Variants in NUP88 observed in about 807,000 individuals in gnomAD.
NUP88 encodes the protein nucleoporin 88.
In NUP88, 57 loss-of-function variants were observed where a neutral mutation model predicts 93.9. The observed-to-expected ratio is 0.61, with a 90% CI of 0.49 to 0.76. The LOEUF (loss-of-function observed/expected upper bound fraction) is 0.76. Among genes scored for constraint, NUP88 ranks in the 30% least tolerant of loss-of-function variants. The pLI, the probability that NUP88 is intolerant of heterozygous loss-of-function variation, is 0.00. For synonymous variants in NUP88, 346 were observed against 336.8 expected (o/e 1.03, Z -0.30); for missense variants, 911 against 901.0 (o/e 1.01, Z -0.14).
intron 6 of NUP88, 97 bp downstream of exon 6, chr17:5,404,960 T>A: frequency 9.6e-7 from 1 of 1,043,852 alleles, no homozygotes; most frequent in Non-Finnish European, 1.4e-6. Flanking sequence ...GTTCCATAAG[T>A]AAGTTAAAAT....
At chr17:5,387,514 T>G in intron 13 of NUP88, 48 bp from the exon 14 acceptor site, 1 of 1,599,934 alleles carries the variant, frequency 6.3e-7, no homozygotes, top group South Asian at 1.1e-5. Context: ...CCCTTGATGC[T>G]GAAACCACCT....
At chr17:5,386,435 G>A (rs1911982685) in intron 16 of NUP88, among the ~76,000 whole-genome samples, 166 bp from the exon 17 acceptor site, 1 of 152,160 alleles carries the variant, frequency 6.6e-6, no homozygotes, top group Non-Finnish European at 1.5e-5. Context: ...CATTTAAGGT[G>A]GCAAACGGTG....
intron 7 of NUP88, among the ~76,000 whole-genome samples, chr17:5,400,251 C>A (rs1913069774): frequency 6.6e-6 from 1 of 151,524 alleles, no homozygotes; most frequent in African/African-American, 2.4e-5. Flanking sequence ...GTAATCCCAG[C>A]ACTTTGGGAG....
chr17:5,405,796 TTC>T (rs1269399010), intron 5 of NUP88, among the ~76,000 whole-genome samples: 1 of 152,202 alleles, frequency 6.6e-6, no homozygotes, highest in Non-Finnish European at 1.5e-5. Context: ...TTTCTTGTAG[TTC>T]TCTCTTCCTA....
intron 8 of NUP88, among the ~76,000 whole-genome samples, chr17:5,398,510 A>G (rs888179490): frequency 1.3e-5 from 2 of 151,332 alleles, no homozygotes; most frequent in African/African-American, 4.9e-5. Context: ...ACTGTTCGCA[A>G]ACTCCCCTGA....
At chr17:5,406,590 A>C (rs1302055373) in intron 5 of NUP88, among the ~76,000 whole-genome samples, 1 of 95,740 alleles carries the variant, frequency 1.0e-5, no homozygotes, top group African/African-American at 3.8e-5. Flanking sequence ...TATTTAAGAA[A>C]ATAAGCCAGG....
At chr17:5,392,671 G>A (rs1176658463) in intron 9 of NUP88, among the ~76,000 whole-genome samples, 2 of 152,196 alleles carry the variant, frequency 1.3e-5, no homozygotes, top group African/African-American at 4.8e-5. Context: ...CAGAGAAGTA[G>A]CCGCTACTCT....
chr17:5,416,167 G>GTATATATATATATATA (rs377002927), intron 2 of NUP88, among the ~76,000 whole-genome samples: 193 of 47,424 alleles, frequency 4.1e-3, no homozygotes, highest in Middle Eastern at 0.014. Flanking sequence ...AAAAAAAAAA[G>GTATATATATATATATA]TATATATATA....
intron 11 of NUP88, chr17:5,388,192 G>A (rs1007848741): frequency 1.9e-5 from 4 of 213,602 alleles, no homozygotes; most frequent in Non-Finnish European, 3.8e-5. Context: ...GTAGAGACAG[G>A]GTTTCACCAT....
At chr17:5,419,011 C>T (rs546916004) in intron 1 of NUP88, among the ~76,000 whole-genome samples, 1 of 152,322 alleles carries the variant, frequency 6.6e-6, no homozygotes, top group Admixed American at 6.5e-5. Context: ...TACGATCTAA[C>T]CTATTATAAG....
rs1597322334 is a variant in NUP88 at position 5,399,731 on chromosome 17, C to G, written c.1193-81G>C. On this transcript the variant is annotated intron_variant, in intron 7 of 16. Transcript: ENST00000573584. ...TACCTCAAATTTGTTGGCTACTCCA[C>G]ATTAGCCTACAAACGCATTTGTTGA... is the stretch of plus-strand genomic sequence containing the variant. 5.2e-5 allele frequency: 34 copies of G among 653,824 alleles called. 1 individual carries two copies. In the East Asian group the frequency reaches 9.8e-4, roughly 19 times the overall value. 40.5% of individuals were successfully genotyped at this position (653,824 alleles called of 1,614,324 possible).
intron 5 of NUP88, among the ~76,000 whole-genome samples, chr17:5,408,110 T>C (rs1913604180): frequency 6.6e-6 from 1 of 152,252 alleles, no homozygotes; most frequent in Non-Finnish European, 1.5e-5. Flanking sequence ...TCCTCAGCTC[T>C]AGCCCAGAAT....
chr17:5,418,403 G>A (rs982066844), intron 1 of NUP88, among the ~76,000 whole-genome samples: 2 of 151,822 alleles, frequency 1.3e-5, no homozygotes, highest in East Asian at 2.0e-4. Flanking sequence ...ACAAGGGCGC[G>A]CCACTACACC....
chr17:5,416,485 T>C (rs773839351), intron 2 of NUP88, 28 bp downstream of exon 2: 2 of 1,484,446 alleles, frequency 1.3e-6, no homozygotes, highest in South Asian at 1.2e-5. Flanking sequence ...ATATAATAAA[T>C]TATACAGATA....
chr17:5,385,190 T>C lies in NUP88; in HGVS notation c.*1016A>G, dbSNP rs576221701. 8.7e-6 allele frequency: 2 copies of C among 230,104 alleles called. No individual in the cohort carries two copies. The highest frequency in any genetic ancestry group is 1.1e-4 in the Admixed American group (2 of 17,662). 14.3% of individuals were successfully genotyped at this position (230,104 alleles called of 1,614,324 possible). ...GAGACTCTTAAGTTTTGTTTAGCAA[T>C]GTGTTTCTGGTATGAAACAAACTAC... On this transcript the variant is annotated 3_prime_UTR_variant, in exon 17 of 17. Transcript: ENST00000573584.
chr17:5,404,059 A>C (rs1248342605), intron 7 of NUP88, 40 bp downstream of exon 7: 3 of 1,594,326 alleles, frequency 1.9e-6, no homozygotes, highest in Admixed American at 3.4e-5. Flanking sequence ...TTAGTATAAA[A>C]ATCATGGGAA....
chr17:5,416,473 A>T, intron 2 of NUP88, 40 bp downstream of exon 2: 1 of 1,405,766 alleles, frequency 7.1e-7, no homozygotes, highest in Non-Finnish European at 9.7e-7. Context: ...AATTTTCTGT[A>T]TATATAATAA....
At chr17:5,386,891 G>T in intron 15 of NUP88, 65 bp from the exon 16 acceptor site, 2 of 1,583,040 alleles carry the variant, frequency 1.3e-6, no homozygotes, top group Non-Finnish European at 1.7e-6. Flanking sequence ...GTATCTATTT[G>T]AATCTGTTCT....
intron 8 of NUP88, 83 bp from the exon 9 acceptor site, chr17:5,395,064 A>G (rs984161738): frequency 3.5e-6 from 3 of 858,338 alleles, no homozygotes; most frequent in Non-Finnish European, 5.9e-6. Flanking sequence ...GGTTAAATGC[A>G]GTGAGGTTCT....
Sources: gnomAD v4.1 joint callset for allele counts (sites outside exome capture counted in the v4.1 genomes callset) on GRCh38, gnomAD v4.1.1 for gene constraint, MANE v1.5 for transcripts, NCBI Gene and HGNC (gene_info 2026-07-23, HGNC 2026-07-21) for gene names.